The following XKR4 variants were observed in gnomAD, a reference collection of about 807,000 sequenced individuals.
XKR4 encodes XK-related protein 4.
Under a neutral mutation model 53.9 loss-of-function variants are expected in XKR4, and 12 were observed. The ratio of observed to expected loss-of-function variants is 0.22; its 90% confidence interval spans 0.14 to 0.36. The LOEUF (loss-of-function observed/expected upper bound fraction) is 0.36, where lower values mean the gene tolerates loss of function less well. Ranked by LOEUF, XKR4 falls within the 10% of genes least tolerant of loss-of-function variation. The pLI is 1.00. For missense variants in XKR4, 799 were observed against 859.5 expected (o/e 0.93, Z 0.88); for synonymous variants, 354 against 362.4 (o/e 0.98, Z 0.26).
chr8:55,461,013 C>A (rs1034723068), intron 2 of XKR4, among the ~76,000 whole-genome samples: 2 of 152,198 alleles, frequency 1.3e-5, no homozygotes, highest in Admixed American at 6.5e-5. Context: ...CACCACAGCT[C>A]AAGGAGGCCT....
chr8:55,176,678 A>G (rs1260008856), intron 1 of XKR4, among the ~76,000 whole-genome samples: 4 of 152,144 alleles, frequency 2.6e-5, no homozygotes, highest in South Asian at 2.1e-4. Flanking sequence ...GTTGAGAATC[A>G]TGTGTTTCTT....
In XKR4 at chr8:55,103,546, A is replaced by C. The variant is rs536257145; in HGVS notation, c.806+252A>C. 1.1e-4 allele frequency among the ~76,000 whole-genome samples: 17 copies of C among 151,566 alleles called. 1 individual carries two copies. In the East Asian group the frequency reaches 3.3e-3, roughly 30 times the overall value. On this transcript the variant is annotated intron_variant, in intron 1 of 2. Transcript: ENST00000327381. ...ATCACCTCATCCCTTCTGTCTTCCC[A>C]CTCTGCCTTACTGGCTTCTTGCTCT...
chr8:55,251,476 T>G (rs1563493454), intron 1 of XKR4, among the ~76,000 whole-genome samples: 1 of 152,248 alleles, frequency 6.6e-6, no homozygotes, highest in Non-Finnish European at 1.5e-5. Flanking sequence ...ATTAACTTTT[T>G]TTAAACATAA....
At chr8:55,379,527 G>A (rs533475059) in intron 2 of XKR4, among the ~76,000 whole-genome samples, 32 of 152,298 alleles carry the variant, frequency 2.1e-4, no homozygotes, top group African/African-American at 7.5e-4. Context: ...CTGGCTACCG[G>A]TTTCTACTTA....
At chr8:55,209,499 T>C (rs1289217618) in intron 1 of XKR4, among the ~76,000 whole-genome samples, 2 of 152,132 alleles carry the variant, frequency 1.3e-5, no homozygotes, top group Non-Finnish European at 2.9e-5. Flanking sequence ...AAGACACGTT[T>C]TTTAAGGTAG....
chr8:55,478,942 A>T (rs952351892), intron 2 of XKR4, among the ~76,000 whole-genome samples: 22 of 152,088 alleles, frequency 1.4e-4, no homozygotes, highest in Non-Finnish European at 2.6e-4. Flanking sequence ...CTCCCACACA[A>T]TAATAATGGG....
intron 1 of XKR4, among the ~76,000 whole-genome samples, chr8:55,349,326 C>A (rs1803693952): frequency 6.6e-6 from 1 of 152,208 alleles, no homozygotes; most frequent in Admixed American, 6.5e-5. Context: ...TAAATACCAT[C>A]TGAGCGTTTT....
intron 1 of XKR4, among the ~76,000 whole-genome samples, chr8:55,274,663 C>G (rs1818740019): frequency 6.6e-6 from 1 of 152,064 alleles, no homozygotes; most frequent in Non-Finnish European, 1.5e-5. Flanking sequence ...GAACTCCTGG[C>G]CTCAAGTGAT....
intron 2 of XKR4, among the ~76,000 whole-genome samples, chr8:55,446,246 CAT>C (rs1479203396): frequency 2.6e-5 from 4 of 152,218 alleles, no homozygotes; most frequent in South Asian, 2.1e-4. Flanking sequence ...CTTTTATCCA[CAT>C]GTTACAATGT....
At chr8:55,338,490 G>A (rs1585527980) in intron 1 of XKR4, among the ~76,000 whole-genome samples, 2 of 152,312 alleles carry the variant, frequency 1.3e-5, no homozygotes, top group Middle Eastern at 6.8e-3. Flanking sequence ...CAGGATAGAG[G>A]GGGGCATTTA....
intron 1 of XKR4, among the ~76,000 whole-genome samples, chr8:55,355,082 T>C (rs891851706): frequency 6.6e-6 from 1 of 151,906 alleles, no homozygotes; most frequent in African/African-American, 2.4e-5. Context: ...TTTTGTATTT[T>C]TAGTAGAGAG....
At chr8:55,438,827 A>G (rs1267551039) in intron 2 of XKR4, among the ~76,000 whole-genome samples, 3 of 152,178 alleles carry the variant, frequency 2.0e-5, no homozygotes, top group African/African-American at 7.2e-5. Flanking sequence ...GCTATAAACA[A>G]CAGGAAAGCA....
At chr8:55,404,954 T>C (rs1389753240) in intron 2 of XKR4, among the ~76,000 whole-genome samples, 1 of 152,248 alleles carries the variant, frequency 6.6e-6, no homozygotes, top group East Asian at 1.9e-4. Context: ...TGCGTTGCGC[T>C]GCGGCTTTAT....
chr8:55,439,446 T>C (rs994233388), intron 2 of XKR4, among the ~76,000 whole-genome samples: 2 of 152,190 alleles, frequency 1.3e-5, no homozygotes, highest in African/African-American at 4.8e-5. Flanking sequence ...AGTCAGCAGA[T>C]ACTGGATCTA....
chr8:55,103,283 G>T lies in XKR4; in HGVS notation c.795G>T (p.Gly265=). The change falls in exon 1 of 3, where the codon GGG becomes GGT. Residue 265 remains glycine (G), a synonymous_variant. Coordinates refer to ENST00000327381, the MANE Select transcript of XKR4 (RefSeq NM_052898.2). ...LQSLIHILQL[G]QIWRYFHTIY... is the part of the protein sequence containing the mutation. ...CACTCATCCACATCTTGCAGCTCGG[G>T]CAAATCTGGAGGTACTGTAATGGGT... is the stretch of plus-strand genomic sequence containing the variant. The T allele has an allele frequency of 1.2e-6, 2 of 1,606,970 alleles. No homozygotes were observed. Among genetic ancestry groups the T allele is most frequent in the Non-Finnish European group, 1.7e-6 (2 of 1,175,266 alleles).
chr8:55,426,681 G>A (rs16921802), intron 2 of XKR4, among the ~76,000 whole-genome samples: 1 of 152,006 alleles, frequency 6.6e-6, no homozygotes, highest in African/African-American at 2.4e-5. Flanking sequence ...CACGAGTCAG[G>A]CATTAAAAAT....
At chr8:55,166,628 A>ACTC (rs1817069058) in intron 1 of XKR4, among the ~76,000 whole-genome samples, 1 of 152,214 alleles carries the variant, frequency 6.6e-6, no homozygotes, top group Non-Finnish European at 1.5e-5. Flanking sequence ...AGAGAGTGGC[A>ACTC]TGAGGAGTTT....
intron 1 of XKR4, among the ~76,000 whole-genome samples, chr8:55,265,843 G>A (rs1355107723): frequency 2.6e-5 from 4 of 151,790 alleles, no homozygotes; most frequent in Non-Finnish European, 5.9e-5. Context: ...AAATTAGCTG[G>A]GTGTGGTGGC....
intron 1 of XKR4, among the ~76,000 whole-genome samples, chr8:55,285,804 G>A (rs1210622382): frequency 1.3e-5 from 2 of 152,174 alleles, no homozygotes; most frequent in African/African-American, 4.8e-5. Flanking sequence ...GCCCATAGGG[G>A]CAACTGTTTC....
Sources: gnomAD v4.1 joint callset for allele counts (sites outside exome capture counted in the v4.1 genomes callset) on GRCh38, gnomAD v4.1.1 for gene constraint, MANE v1.5 for transcripts, NCBI Gene and HGNC (gene_info 2026-07-23, HGNC 2026-07-21) for gene names.